Variants in DIAPH2 observed in about 807,000 individuals in gnomAD.
DIAPH2 encodes the protein protein diaphanous homolog 2.
Under a neutral mutation model 92.7 loss-of-function variants are expected in DIAPH2, and 35 were observed. The observed-to-expected ratio is 0.38, with a 90% CI of 0.29 to 0.50. The LOEUF (loss-of-function observed/expected upper bound fraction) is 0.50. Among genes scored for constraint, DIAPH2 ranks in the 20% least tolerant of loss-of-function variants. The probability of loss-of-function intolerance (pLI) is 0.94; values close to 1 mark genes in which losing one functional copy is unlikely to be tolerated. For missense variants in DIAPH2, 701 were observed against 819.5 expected (o/e 0.86, Z 1.77); for synonymous variants, 301 against 280.4 (o/e 1.07, Z -0.73).
chrX:97,542,347 G>A (rs1353701216), intron 26 of DIAPH2, among the ~76,000 whole-genome samples: 1 of 112,045 alleles, frequency 8.9e-6, no homozygotes, highest in East Asian at 2.8e-4. Flanking sequence ...GAGAGTTTAA[G>A]CATTTCTGAA....
intron 23 of DIAPH2, among the ~76,000 whole-genome samples, chrX:97,338,519 A>G (rs943662114): frequency 5.3e-5 from 6 of 112,259 alleles, no homozygotes; most frequent in African/African-American, 1.9e-4. Flanking sequence ...TAGATTGTAT[A>G]TTTGTGACTT....
chrX:97,555,648 G>A (rs1355921161), intron 26 of DIAPH2, among the ~76,000 whole-genome samples: 2 of 111,510 alleles, frequency 1.8e-5, no homozygotes, highest in Non-Finnish European at 3.8e-5. Flanking sequence ...AGGTAGAAAA[G>A]GAACTTTTAA....
chrX:96,910,606 A>G lies in DIAPH2; in HGVS notation c.588-1722A>G, dbSNP rs772601933. 4.5e-5 allele frequency among the ~76,000 whole-genome samples: 5 copies of G among 111,021 alleles called. No individual in the cohort carries two copies. In the South Asian group the frequency reaches 1.9e-3, roughly 42 times the overall value. ...GTCTATATATTGATTTATGTTTATG[A>G]TGTTCTTGGGTAGTATGAGATTGCT... is the stretch of plus-strand genomic sequence containing the variant. On this transcript the variant is annotated intron_variant, in intron 5 of 26. Transcript: ENST00000324765.
chrX:96,792,305 C>T (rs993567810), intron 4 of DIAPH2, among the ~76,000 whole-genome samples: 13 of 111,450 alleles, frequency 1.2e-4, no homozygotes, highest in African/African-American at 4.2e-4. Context: ...TTTATGTAAC[C>T]TCCTGAACAA....
intron 26 of DIAPH2, among the ~76,000 whole-genome samples, chrX:97,561,198 A>G (rs904713112): frequency 2.7e-5 from 3 of 112,480 alleles, no homozygotes; most frequent in African/African-American, 9.7e-5. Flanking sequence ...AGGTTTCTGT[A>G]CTGTCTTGAT....
chrX:97,073,156 C>T (rs1023586599), intron 18 of DIAPH2, 114 bp downstream of exon 18: 18 of 499,566 alleles, frequency 3.6e-5, no homozygotes, highest in Non-Finnish European at 5.2e-5. Flanking sequence ...TTAGCATCTT[C>T]TAGAAACAAA....
intron 26 of DIAPH2, among the ~76,000 whole-genome samples, chrX:97,441,580 G>A (rs2070258750): frequency 8.9e-6 from 1 of 111,966 alleles, no homozygotes; most frequent in Admixed American, 9.4e-5. Flanking sequence ...CACTTTCGGA[G>A]GCTGAGGCAG....
intron 23 of DIAPH2, among the ~76,000 whole-genome samples, chrX:97,347,085 C>CTTTT (rs763682802): frequency 1.4e-4 from 13 of 91,230 alleles, no homozygotes; most frequent in African/African-American, 3.3e-4. Flanking sequence ...ACTATAACCT[C>CTTTT]TTTTTTTTTT....
At chrX:97,309,191 C>T (rs1175908437) in intron 23 of DIAPH2, among the ~76,000 whole-genome samples, 1 of 108,826 alleles carries the variant, frequency 9.2e-6, no homozygotes, top group East Asian at 2.9e-4. Flanking sequence ...ACATCTGCCT[C>T]CTGGGTTCAA....
chrX:96,901,057 T>C (rs2065390155), intron 5 of DIAPH2, among the ~76,000 whole-genome samples: 1 of 112,009 alleles, frequency 8.9e-6, no homozygotes, highest in Non-Finnish European at 1.9e-5. Flanking sequence ...TTTGAATGTC[T>C]GGTAGAATTC....
At chrX:96,941,976 A>T (rs761818376) in intron 12 of DIAPH2, 42 bp from the exon 13 acceptor site, 20 of 727,653 alleles carry the variant, frequency 2.7e-5, no homozygotes. Context: ...ATTGATCTGC[A>T]TGGTTAGAAA....
chrX:96,718,352 T>TG (rs1569373797), intron 1 of DIAPH2, among the ~76,000 whole-genome samples: 3 of 62,665 alleles, frequency 4.8e-5, no homozygotes, highest in African/African-American at 1.1e-4. Flanking sequence ...TTTTTTTTTT[T>TG]TTTTTTTTTT....
chrX:97,104,030 T>C (rs937891606), intron 20 of DIAPH2, among the ~76,000 whole-genome samples: 1 of 111,806 alleles, frequency 8.9e-6, no homozygotes, highest in Non-Finnish European at 1.9e-5. Flanking sequence ...TGCCTTTCAG[T>C]CAGAAATAGA....
intron 1 of DIAPH2, among the ~76,000 whole-genome samples, chrX:96,734,883 A>G (rs2147565417): frequency 9.0e-6 from 1 of 110,716 alleles, no homozygotes; most frequent in Admixed American, 9.7e-5. Context: ...CCAAGTTGAT[A>G]TACATTATTC....
At chrX:97,115,075 G>T (rs916424296) in intron 21 of DIAPH2, 110 bp downstream of exon 21, 55 of 753,204 alleles carry the variant, frequency 7.3e-5, no homozygotes, top group African/African-American at 2.1e-5. Context: ...TGCTTAAAAA[G>T]GGTGAATTTT....
chrX:96,823,912 C>A (rs940481386), intron 4 of DIAPH2, among the ~76,000 whole-genome samples: 1 of 85,148 alleles, frequency 1.2e-5, no homozygotes, highest in East Asian at 3.7e-4. Context: ...ATGTTATATA[C>A]TCTTGATTTG....
chrX:97,074,217 G>C (rs1218421110), intron 18 of DIAPH2, among the ~76,000 whole-genome samples: 1 of 111,183 alleles, frequency 9.0e-6, no homozygotes, highest in Non-Finnish European at 1.9e-5. Flanking sequence ...GACCAGCCTG[G>C]ACAACATGGT....
intron 4 of DIAPH2, among the ~76,000 whole-genome samples, chrX:96,814,838 G>T (rs777748402): frequency 8.9e-6 from 1 of 111,815 alleles, no homozygotes; most frequent in African/African-American, 3.2e-5. Context: ...CACCCTGTTT[G>T]CCTGGGTATC....
At chrX:97,407,896 G>A (rs2069826650) in intron 25 of DIAPH2, among the ~76,000 whole-genome samples, 1 of 111,945 alleles carries the variant, frequency 8.9e-6, no homozygotes, top group Non-Finnish European at 1.9e-5. Flanking sequence ...AAGCACTTAT[G>A]AAGTTAAGCT....
Sources: gnomAD v4.1 joint callset for allele counts (sites outside exome capture counted in the v4.1 genomes callset) on GRCh38, gnomAD v4.1.1 for gene constraint, MANE v1.5 for transcripts, NCBI Gene and HGNC (gene_info 2026-07-23, HGNC 2026-07-21) for gene names.